FRA10AC1: variants seen among roughly 807,000 people sequenced by gnomAD.
FRA10AC1 encodes the protein protein FRA10AC1.
Under a neutral mutation model 56.5 loss-of-function variants are expected in FRA10AC1, and 43 were observed. That is an observed-to-expected ratio of 0.76 (90% CI 0.60 to 0.98). The LOEUF (loss-of-function observed/expected upper bound fraction) is 0.98. Among genes scored for constraint, FRA10AC1 ranks in the 50% least tolerant of loss-of-function variants. The pLI is 0.00. For synonymous variants in FRA10AC1, 112 were observed against 110.5 expected, an observed-to-expected ratio of 1.01 and a Z score of -0.09; for missense variants, 346 against 351.8, an observed-to-expected ratio of 0.98 and a Z score of 0.13.
intron 12 of FRA10AC1, among the ~76,000 whole-genome samples, 161 bp downstream of exon 12, chr10:93,676,492 C>T (rs1341931888): frequency 6.6e-6 from 1 of 152,058 alleles, no homozygotes; most frequent in Non-Finnish European, 1.5e-5. Context: ...GGGAATAAAT[C>T]CTATACACTT....
At chr10:93,694,744 A>G (rs983191625) in intron 5 of FRA10AC1, 117 bp downstream of exon 5, 23 of 414,788 alleles carry the variant, frequency 5.5e-5, no homozygotes, top group Non-Finnish European at 6.1e-5. Flanking sequence ...AAAAAAAAAA[A>G]GGCACACCGG....
At chr10:93,691,469 G>A (rs1484704573) in intron 7 of FRA10AC1, among the ~76,000 whole-genome samples, 2 of 152,020 alleles carry the variant, frequency 1.3e-5, no homozygotes, top group African/African-American at 4.8e-5. Context: ...GAGCCATCAC[G>A]CCCAACCAAA....
intron 12 of FRA10AC1, chr10:93,675,507 C>A (rs1195351139): frequency 6.3e-6 from 1 of 159,024 alleles, no homozygotes; most frequent in African/African-American, 2.4e-5. Context: ...GAGTTCAAGA[C>A]CAGCCTGGCC....
chr10:93,695,775 G>A (rs567188599), intron 4 of FRA10AC1, among the ~76,000 whole-genome samples: 6 of 151,908 alleles, frequency 3.9e-5, no homozygotes, highest in Admixed American at 1.3e-4. Flanking sequence ...AATACCTGGA[G>A]ATCTGGATTC....
intron 7 of FRA10AC1, among the ~76,000 whole-genome samples, chr10:93,690,676 T>C (rs2059111001): frequency 6.6e-6 from 1 of 151,946 alleles, no homozygotes. Flanking sequence ...GGCTGAAAAA[T>C]CTCCTTTGTT....
intron 7 of FRA10AC1, among the ~76,000 whole-genome samples, chr10:93,690,086 T>C (rs542731625): frequency 6.6e-6 from 1 of 152,266 alleles, no homozygotes; most frequent in East Asian, 1.9e-4. Context: ...ATCTACTATA[T>C]ATATTAGGAG....
intron 2 of FRA10AC1, among the ~76,000 whole-genome samples, chr10:93,698,679 CCTTAAT>C (rs2059277033): frequency 6.6e-6 from 1 of 152,192 alleles, no homozygotes; most frequent in Admixed American, 6.5e-5. Context: ...TCAATTACTA[CCTTAAT>C]CTTAATAAGA....
Position 93,684,039 on chromosome 10 carries a change from AT to A in FRA10AC1, c.668+16del. On this transcript the variant is annotated intron_variant, in intron 10 of 13. Transcript: ENST00000359204. Reference sequence around the variant, plus strand: ...TGGATTACTAAACATTAAGAATGGCATTTTAAAAGACATTACCTGTGATGGA... The same window carrying A: ...TGGATTACTAAACATTAAGAATGGCATTTAAAAGACATTACCTGTGATGGA... The A allele has an allele frequency of 6.5e-7, 1 of 1,545,420 alleles. No individual in the cohort carries two copies. Among genetic ancestry groups the A allele is most frequent in the Non-Finnish European group, 8.9e-7 (1 of 1,119,410 alleles).
chr10:93,678,589 G>T (rs1009402848), intron 11 of FRA10AC1, among the ~76,000 whole-genome samples: 5 of 152,084 alleles, frequency 3.3e-5, no homozygotes, highest in Admixed American at 3.3e-4. Flanking sequence ...CCAGCACTTT[G>T]GGGGGCCAAG....
At chr10:93,692,760 A>G in intron 5 of FRA10AC1, 31 bp from the exon 6 acceptor site, 2 of 1,466,986 alleles carry the variant, frequency 1.4e-6, no homozygotes, top group East Asian at 4.9e-5. Context: ...AATTTAATAC[A>G]AAAACAAAAG....
intron 12 of FRA10AC1, chr10:93,671,151 T>C: frequency 3.9e-6 from 1 of 253,608 alleles, no homozygotes; most frequent in East Asian, 8.4e-5. Context: ...TCTCTTGCAA[T>C]ATAGTTGTCT....
intron 12 of FRA10AC1, chr10:93,674,237 T>C (rs2058808989): frequency 6.6e-6 from 1 of 152,218 alleles, no homozygotes; most frequent in African/African-American, 2.4e-5. Context: ...TATATGCACA[T>C]TATTAAGATT....
intron 11 of FRA10AC1, 35 bp from the exon 12 acceptor site, chr10:93,676,726 A>C (rs770746209): frequency 1.3e-6 from 2 of 1,537,716 alleles, no homozygotes; most frequent in Admixed American, 2.2e-5. Flanking sequence ...ATTAACTATC[A>C]TCTTGTAATA....
intron 4 of FRA10AC1, 72 bp downstream of exon 4, chr10:93,698,063 AT>A (rs2059261899): frequency 1.2e-6 from 1 of 862,622 alleles, no homozygotes; most frequent in Non-Finnish European, 1.7e-6. Flanking sequence ...ACTTCACAAG[AT>A]TTTATAAAAC....
chr10:93,669,987 T>A (rs947359027), intron 13 of FRA10AC1, 119 bp from the exon 14 acceptor site: 4 of 556,588 alleles, frequency 7.2e-6, no homozygotes, highest in Non-Finnish European at 9.5e-6. Context: ...GATTCTGCTA[T>A]ATATCAATAT....
intron 4 of FRA10AC1, among the ~76,000 whole-genome samples, chr10:93,697,833 G>A (rs1260698252): frequency 6.6e-6 from 1 of 152,020 alleles, no homozygotes; most frequent in Non-Finnish European, 1.5e-5. Context: ...GATAAGTATA[G>A]GAAAAGGAAA....
chr10:93,697,082 AAAAAT>A (rs1241530313), intron 4 of FRA10AC1, among the ~76,000 whole-genome samples: 4 of 152,180 alleles, frequency 2.6e-5, no homozygotes, highest in Non-Finnish European at 4.4e-5. Context: ...TAAAATAAAG[AAAAAT>A]AAAATAAAAT....
At position 93,698,342 on chromosome 10, in the gene FRA10AC1, T is replaced by G; in HGVS notation, c.132A>C (p.Gly44=). The G allele has an allele frequency of 6.2e-7, 1 of 1,612,210 alleles. No homozygotes were observed. The highest frequency in any genetic ancestry group is 8.5e-7 in the Non-Finnish European group (1 of 1,178,874). Residue 44 remains glycine, a synonymous_variant, in exon 3 of 14, where the codon GGA becomes GGC. Transcript: ENST00000359204. ...CTGCAACTTGTTTATGGGCCACCTT[T>G]CCATGTTTTTCTTTCTGAAATGGTT... is the stretch of plus-strand genomic sequence containing the variant. ...LQKPFQKEKH[G]KVAHKQVAAE... is the part of the protein sequence containing the mutation.
intron 4 of FRA10AC1, among the ~76,000 whole-genome samples, chr10:93,696,652 C>T (rs915603790): frequency 1.3e-5 from 2 of 152,160 alleles, no homozygotes; most frequent in African/African-American, 4.8e-5. Context: ...GATACATGCA[C>T]ATGTATGTTT....
Sources: allele counts gnomAD v4.1 joint callset (sites outside exome capture counted in the v4.1 genomes callset), GRCh38; gene constraint gnomAD v4.1.1; transcripts MANE v1.5; gene names NCBI Gene and HGNC (gene_info 2026-07-23, HGNC 2026-07-21).